Variants in CEP112 observed in about 807,000 individuals in gnomAD.
CEP112 encodes centrosomal protein 112, also known as centrosomal protein of 112 kDa.
A neutral mutation model predicts 153.0 loss-of-function variants in CEP112; 127 were observed. The ratio of observed to expected loss-of-function variants is 0.83; its 90% CI spans 0.72 to 0.96. CEP112 has a LOEUF of 0.96. Ranked by LOEUF, CEP112 falls within the 40% of genes least tolerant of loss-of-function variation. The pLI is 0.00. For synonymous variants in CEP112, 358 were observed against 374.4 expected (o/e 0.96, Z 0.51); for missense variants, 1,089 against 1,101.2 (o/e 0.99, Z 0.16).
At chr17:65,926,335 C>T (rs1224478321) in intron 19 of CEP112, among the ~76,000 whole-genome samples, 1 of 152,130 alleles carries the variant, frequency 6.6e-6, no homozygotes, top group Non-Finnish European at 1.5e-5. Context: ...TCAGGGAAAC[C>T]CTGATCAGTT....
intron 20 of CEP112, among the ~76,000 whole-genome samples, chr17:65,868,075 ATTCT>A (rs1456581146): frequency 1.3e-5 from 2 of 151,990 alleles, no homozygotes; most frequent in African/African-American, 4.8e-5. Flanking sequence ...AAGAAGAGAT[ATTCT>A]TTCTGTTATA....
chr17:65,811,858 A>G (rs571302573), intron 21 of CEP112, among the ~76,000 whole-genome samples: 2 of 152,296 alleles, frequency 1.3e-5, no homozygotes, highest in South Asian at 4.1e-4. Flanking sequence ...TAATAACAGA[A>G]TGCCTCATTT....
At position 65,679,425 on chromosome 17, in the gene CEP112, C is replaced by T. The variant is rs1012651139; in HGVS notation, c.2697+9704G>A. On this transcript the variant is annotated intron_variant, in intron 24 of 26. Transcript: ENST00000535342. ...AAAGTCAATAAAAGTCTTTGAATTACATTTCTGTTGCAATTCCTGTTTTCA... is the reference window on the plus strand; with the variant it reads ...AAAGTCAATAAAAGTCTTTGAATTATATTTCTGTTGCAATTCCTGTTTTCA... Among the ~76,000 whole-genome samples, 8 of 152,184 alleles carry T rather than the reference C, an allele frequency of 5.3e-5. 1 individual carries two copies. The Middle Eastern group carries it at 0.01, about 194-fold the overall frequency.
chr17:65,937,397 G>A (rs1466090545), intron 18 of CEP112, among the ~76,000 whole-genome samples: 13 of 113,446 alleles, frequency 1.1e-4, no homozygotes, highest in African/African-American at 4.1e-4. Context: ...GCTGCCCATC[G>A]TCTGAGATGT....
chr17:66,165,711 G>A (rs973577016), intron 4 of CEP112, among the ~76,000 whole-genome samples: 4 of 152,136 alleles, frequency 2.6e-5, no homozygotes, highest in Admixed American at 1.3e-4. Context: ...CCACAAGTGG[G>A]TTTTCATTAT....
At chr17:65,713,839 C>T (rs576414112) in intron 23 of CEP112, among the ~76,000 whole-genome samples, 7 of 152,110 alleles carry the variant, frequency 4.6e-5, no homozygotes, top group Non-Finnish European at 2.9e-5. Context: ...CCGCCCGCCT[C>T]GGCCTCCCAA....
At chr17:66,140,279 T>A (rs189080027) in intron 4 of CEP112, among the ~76,000 whole-genome samples, 1 of 152,234 alleles carries the variant, frequency 6.6e-6, no homozygotes, top group East Asian at 1.9e-4. Flanking sequence ...TACATCAGAA[T>A]AATAAAATGC....
intron 8 of CEP112, among the ~76,000 whole-genome samples, chr17:66,077,974 T>C (rs1479622108): frequency 6.6e-6 from 1 of 152,200 alleles, no homozygotes; most frequent in African/African-American, 2.4e-5. Flanking sequence ...GATTTTCCAA[T>C]GTTATCTTCT....
At chr17:66,120,380 T>C (rs1248445333) in intron 6 of CEP112, among the ~76,000 whole-genome samples, 1 of 152,164 alleles carries the variant, frequency 6.6e-6, no homozygotes, top group Non-Finnish European at 1.5e-5. Flanking sequence ...TTTGTATTTT[T>C]AGTAGAGACG....
chr17:65,974,062 G>C (rs753820997), intron 17 of CEP112, among the ~76,000 whole-genome samples: 7 of 151,940 alleles, frequency 4.6e-5, no homozygotes, highest in South Asian at 2.1e-4. Context: ...GAGTCTAAAA[G>C]GCTTCGCTGT....
intron 23 of CEP112, among the ~76,000 whole-genome samples, chr17:65,717,460 T>C (rs1358609665): frequency 2.0e-5 from 3 of 152,224 alleles, no homozygotes; most frequent in Admixed American, 6.5e-5. Flanking sequence ...TTTTCAGAAC[T>C]GCCATATTAT....
intron 23 of CEP112, among the ~76,000 whole-genome samples, chr17:65,735,532 C>T (rs74907328): frequency 0.016 from 2,304 of 142,428 alleles, 45 homozygotes; most frequent in African/African-American, 0.054. Flanking sequence ...TAGAAAATAT[C>T]GTTAAGGTGA....
At chr17:65,968,429 T>C (rs145210295) in intron 17 of CEP112, among the ~76,000 whole-genome samples, 63 of 152,326 alleles carry the variant, frequency 4.1e-4, no homozygotes, top group African/African-American at 1.5e-3. Context: ...TTATCAAATA[T>C]AAATGTAATA....
chr17:65,645,055 T>C (rs1010663247), intron 24 of CEP112, among the ~76,000 whole-genome samples: 1 of 152,046 alleles, frequency 6.6e-6, no homozygotes, highest in Admixed American at 6.5e-5. Context: ...TACCTTTACA[T>C]TGCATTATTT....
intron 20 of CEP112, among the ~76,000 whole-genome samples, chr17:65,874,732 C>T (rs1388264721): frequency 6.6e-6 from 1 of 152,034 alleles, no homozygotes; most frequent in Non-Finnish European, 1.5e-5. Flanking sequence ...CATGCAGTTT[C>T]TATTTCTTAC....
intron 21 of CEP112, among the ~76,000 whole-genome samples, chr17:65,828,733 C>T (rs2056950810): frequency 6.6e-6 from 1 of 151,896 alleles, no homozygotes; most frequent in African/African-American, 2.4e-5. Flanking sequence ...AATAATAGTG[C>T]TCCTAATATC....
chr17:66,013,827 G>A (rs1006303147), intron 16 of CEP112, among the ~76,000 whole-genome samples: 1 of 152,178 alleles, frequency 6.6e-6, no homozygotes, highest in East Asian at 1.9e-4. Context: ...GTGGCACCAT[G>A]GAGGGGAGGG....
chr17:65,975,127 C>T lies in CEP112; in HGVS notation c.1737-13529G>A, dbSNP rs192673922. On this transcript the variant is annotated intron_variant, in intron 17 of 26. Coordinates refer to ENST00000535342, the MANE Select transcript of CEP112 (RefSeq NM_001199165.4). ...GGATCATGTGCTCTTGGGCTGAAGACGAAAAGAACACAAAAGAACTCTTAG... is the reference window on the plus strand; with the variant it reads ...GGATCATGTGCTCTTGGGCTGAAGATGAAAAGAACACAAAAGAACTCTTAG... Among the ~76,000 whole-genome samples the T allele has an allele frequency of 5.7e-3, 872 of 152,148 alleles. 11 individuals are homozygous for T. Among genetic ancestry groups the T allele is most frequent in the African/African-American group, 0.019 (802 of 41,524 alleles).
rs554833430 is a variant in CEP112 at position 66,028,459 on chromosome 17, T to A, written c.1504-54A>T. 7.9e-6 allele frequency: 8 copies of A among 1,010,998 alleles called. 1 individual carries two copies. The South Asian group carries it at 1.5e-4, about 19-fold the overall frequency. 62.6% of individuals were successfully genotyped at this position (1,010,998 alleles called of 1,614,324 possible). A position where few individuals can be genotyped will look rare whatever the true frequency, so the allele number is the denominator to read the frequency against. ...CAGAATATTGATTTTTGTACCATAT[T>A]ATACTTTCTGATTGAAAAAATATGC... On this transcript the variant is annotated intron_variant, in intron 14 of 26. Transcript: ENST00000535342.
Sources: gnomAD v4.1 joint callset for allele counts (sites outside exome capture counted in the v4.1 genomes callset) on GRCh38, gnomAD v4.1.1 for gene constraint, MANE v1.5 for transcripts, NCBI Gene and HGNC (gene_info 2026-07-23, HGNC 2026-07-21) for gene names.